Variants in STPG2 observed in about 807,000 individuals in gnomAD.
STPG2 encodes the protein sperm-tail PG-rich repeat-containing protein 2.
A neutral mutation model predicts 54.2 loss-of-function variants in STPG2; 56 were observed. The observed-to-expected ratio is 1.03, with a 90% CI of 0.83 to 1.29. STPG2 has a LOEUF of 1.29. STPG2 is among the 50% of genes most tolerant of loss of function. The pLI is 0.00. For missense variants in STPG2, 596 were observed against 544.9 expected, an observed-to-expected ratio of 1.09 and a Z score of -0.93; for synonymous variants, 200 against 181.8, an observed-to-expected ratio of 1.10 and a Z score of -0.81.
At chr4:97,857,943 G>C (rs148652863) in intron 8 of STPG2, among the ~76,000 whole-genome samples, 293 of 151,996 alleles carry the variant, frequency 1.9e-3, no homozygotes, top group African/African-American at 6.9e-3. Flanking sequence ...AATTGATCAA[G>C]CAGAAGGAAA....
At chr4:97,477,233 AT>A (rs1028824791) in intron 4 of STPG2, among the ~76,000 whole-genome samples, 1 of 152,134 alleles carries the variant, frequency 6.6e-6, no homozygotes, top group Admixed American at 6.5e-5. Flanking sequence ...CATTATTTCT[AT>A]TAATTTATAC....
At chr4:97,575,151 C>A (rs916992530) in intron 10 of STPG2, among the ~76,000 whole-genome samples, 18 of 151,528 alleles carry the variant, frequency 1.2e-4, no homozygotes, top group African/African-American at 3.6e-4. Flanking sequence ...TAAAAAAAAA[C>A]CTAACAATGA....
intron 5 of STPG2, among the ~76,000 whole-genome samples, chr4:98,090,456 T>TA (rs1738651465): frequency 6.6e-6 from 1 of 152,120 alleles, no homozygotes; most frequent in South Asian, 2.1e-4. Flanking sequence ...TTGGTACATA[T>TA]AGGCTTGTAG....
intron 8 of STPG2, among the ~76,000 whole-genome samples, chr4:97,853,509 T>C (rs894520863): frequency 6.6e-6 from 1 of 152,286 alleles, no homozygotes; most frequent in East Asian, 1.9e-4. Context: ...GCACATTTTT[T>C]AGTGACACTA....
intron 4 of STPG2, among the ~76,000 whole-genome samples, chr4:97,502,401 AC>A (rs1730744893): frequency 6.6e-6 from 1 of 152,040 alleles, no homozygotes; most frequent in African/African-American, 2.4e-5. Context: ...ACAGTGAAAC[AC>A]TGTCTTCAAT....
chr4:97,613,793 C>T (rs116551681), intron 10 of STPG2, among the ~76,000 whole-genome samples: 2,629 of 151,882 alleles, frequency 0.017, 68 homozygotes, highest in African/African-American at 0.059. Flanking sequence ...TGCTTCTATC[C>T]TTTTGAGGTT....
intron 5 of STPG2, among the ~76,000 whole-genome samples, chr4:98,046,249 A>G (rs757440493): frequency 6.6e-6 from 1 of 152,052 alleles, no homozygotes; most frequent in Non-Finnish European, 1.5e-5. Context: ...TTGTTCATAC[A>G]ATGCTCTCCT....
At chr4:97,848,428 G>A (rs375094534) in intron 8 of STPG2, among the ~76,000 whole-genome samples, 60 of 152,184 alleles carry the variant, frequency 3.9e-4, no homozygotes, top group East Asian at 3.9e-3. Context: ...AATTTATCGA[G>A]TAATTTTTCC....
chr4:97,705,974 T>C (rs746728859), intron 10 of STPG2, among the ~76,000 whole-genome samples: 9 of 152,094 alleles, frequency 5.9e-5, no homozygotes, highest in Non-Finnish European at 1.2e-4. Context: ...TACATGCTTT[T>C]TTCAGTATAG....
chr4:97,539,131 C>G (rs1018255944), intron 4 of STPG2, among the ~76,000 whole-genome samples: 1 of 152,186 alleles, frequency 6.6e-6, no homozygotes, highest in Non-Finnish European at 1.5e-5. Flanking sequence ...GAAACTGCAT[C>G]AACTAACGAG....
intron 4 of STPG2, among the ~76,000 whole-genome samples, chr4:97,491,782 G>A (rs932285851): frequency 1.4e-4 from 21 of 151,586 alleles, no homozygotes; most frequent in Admixed American, 1.1e-3. Flanking sequence ...GAAAACAAAT[G>A]TGAAATTTAT....
At chr4:98,031,147 G>A (rs1396567475) in intron 5 of STPG2, among the ~76,000 whole-genome samples, 4 of 152,054 alleles carry the variant, frequency 2.6e-5, no homozygotes, top group Non-Finnish European at 4.4e-5. Flanking sequence ...AAAACATAAA[G>A]TGGTGAAAGG....
At chr4:97,892,288 G>A (rs1730800085) in intron 8 of STPG2, among the ~76,000 whole-genome samples, 1 of 152,098 alleles carries the variant, frequency 6.6e-6, no homozygotes, top group African/African-American at 2.4e-5. Flanking sequence ...AAGGTCAGGA[G>A]TCCATACTGA....
intron 10 of STPG2, among the ~76,000 whole-genome samples, chr4:97,708,388 A>G (rs1724016558): frequency 6.6e-6 from 1 of 152,042 alleles, no homozygotes; most frequent in Non-Finnish European, 1.5e-5. Context: ...TAAATGCCTT[A>G]TAATATCCAA....
chr4:97,577,060 GAATGGCTATTA>G (rs775249166), intron 10 of STPG2, among the ~76,000 whole-genome samples: 2 of 152,138 alleles, frequency 1.3e-5, no homozygotes, highest in Non-Finnish European at 2.9e-5. Flanking sequence ...ACACCAGTCA[GAATGGCTATTA>G]CTAAAAAGTA....
At chr4:97,862,912 C>G (rs1442745627) in intron 8 of STPG2, among the ~76,000 whole-genome samples, 1 of 152,058 alleles carries the variant, frequency 6.6e-6, no homozygotes, top group African/African-American at 2.4e-5. Context: ...AACAAAGACA[C>G]AACATACCAG....
intron 1 of STPG2, among the ~76,000 whole-genome samples, chr4:98,136,824 C>T (rs1481686413): frequency 6.6e-6 from 1 of 151,302 alleles, no homozygotes; most frequent in African/African-American, 2.4e-5. Flanking sequence ...ATATTGTAAA[C>T]CCTAGGCAAC....
At chr4:97,965,947 G>C (rs1734081087) in intron 7 of STPG2, among the ~76,000 whole-genome samples, 1 of 152,188 alleles carries the variant, frequency 6.6e-6, no homozygotes, top group Non-Finnish European at 1.5e-5. Flanking sequence ...CTAAAAACCA[G>C]AGTGCCTCTT....
At chr4:97,679,666 A>C (rs1722967381) in intron 10 of STPG2, among the ~76,000 whole-genome samples, 1 of 152,024 alleles carries the variant, frequency 6.6e-6, no homozygotes, top group African/African-American at 2.4e-5. Flanking sequence ...TTTTGTTGCC[A>C]TTGCTTTTGG....
Sources: gnomAD v4.1 joint callset for allele counts (sites outside exome capture counted in the v4.1 genomes callset) on GRCh38, gnomAD v4.1.1 for gene constraint, MANE v1.5 for transcripts, NCBI Gene and HGNC (gene_info 2026-07-23, HGNC 2026-07-21) for gene names.